The following PTPRN2 variants were observed in gnomAD, a reference collection of about 807,000 sequenced individuals.
PTPRN2 encodes the protein protein tyrosine phosphatase receptor type N2, also known as receptor-type tyrosine-protein phosphatase N2.
PTPRN2 carries 74 observed loss-of-function variants against 118.8 expected under a neutral mutation model. That is an observed-to-expected ratio of 0.62 (90% CI 0.52 to 0.76). The LOEUF (loss-of-function observed/expected upper bound fraction) is 0.76. PTPRN2 is among the 30% of genes least tolerant of loss of function. The pLI, the probability that PTPRN2 is intolerant of heterozygous loss-of-function variation, is 0.00. For missense variants in PTPRN2, 1,481 were observed against 1,394.4 expected (o/e 1.06, Z -0.99); for synonymous variants, 641 against 608.0 (o/e 1.05, Z -0.80).
Position 157,615,724 on chromosome 7 carries a change from A to C in PTPRN2, c.2344+5638T>G. ...GAGCTGAGAGGGAGGTGACGCAGTGACTCAGGAACCACAAGCTCTGGAGGC... is the reference window on the plus strand; with the variant it reads ...GAGCTGAGAGGGAGGTGACGCAGTGCCTCAGGAACCACAAGCTCTGGAGGC... On this transcript the variant is annotated intron_variant, in intron 15 of 22. Coordinates refer to ENST00000389418, the MANE Select transcript of PTPRN2 (RefSeq NM_002847.5). The surrounding 1 kb of genome is among the most constrained non-coding windows in gnomAD (Gnocchi z 4.3). 2.4e-6 allele frequency: 1 copy of C among 410,482 alleles called. No individual in the cohort carries two copies. Among genetic ancestry groups the C allele is most frequent in the Non-Finnish European group, 5.1e-6 (1 of 197,814 alleles). 25.4% of individuals were successfully genotyped at this position (410,482 alleles called of 1,614,324 possible).
intron 13 of PTPRN2, among the ~76,000 whole-genome samples, chr7:157,657,203 TCA>T (rs1585186534): frequency 1.2e-5 from 1 of 80,684 alleles, no homozygotes; most frequent in African/African-American, 5.2e-5. Context: ...ACCACACACA[TCA>T]CACATATACA....
chr7:158,111,391 C>T (rs1184967085), intron 9 of PTPRN2, among the ~76,000 whole-genome samples: 3 of 152,104 alleles, frequency 2.0e-5, no homozygotes, highest in East Asian at 1.9e-4. Flanking sequence ...GGGCAGGGGG[C>T]GGGGGCACTC....
intron 11 of PTPRN2, among the ~76,000 whole-genome samples, chr7:158,048,708 C>T (rs1447092616): frequency 6.6e-6 from 1 of 150,462 alleles, no homozygotes; most frequent in Non-Finnish European, 1.5e-5. Context: ...ACCACCATCA[C>T]CATCACCATC....
Position 157,795,959 on chromosome 7 carries a change from G to A in PTPRN2, c.1788+102714C>T, listed in dbSNP as rs149601061. On this transcript the variant is annotated intron_variant, in intron 12 of 22. Coordinates refer to ENST00000389418, the MANE Select transcript of PTPRN2 (RefSeq NM_002847.5). ...GCCACACCTGATCACCGTGATGGAG[G>A]GGGGCAGGCGCCGAGGCGAACTTGG... Among the ~76,000 whole-genome samples the A allele has an allele frequency of 6.5e-3, 996 of 152,358 alleles. 6 individuals carry two copies. Among genetic ancestry groups the A allele is most frequent in the Middle Eastern group, 0.014 (4 of 294 alleles).
rs1181174735 is a variant in PTPRN2, at chr7:158,022,502, C to T, written c.1723+58796G>A. On this transcript the variant is annotated intron_variant, in intron 11 of 22. Transcript: ENST00000389418. This position sits in a 1 kb window ranked among gnomAD's most constrained non-coding sequence, Gnocchi z 4.6. Reference sequence around the variant, plus strand: ...CGTAATGTGTTCATAGCCAAGGCCCCGGCACCCGGGCACTCTGTCTGGGGC... The same window carrying T: ...CGTAATGTGTTCATAGCCAAGGCCCTGGCACCCGGGCACTCTGTCTGGGGC... Among the ~76,000 whole-genome samples, 2 of 149,458 alleles carry T rather than the reference C, an allele frequency of 1.3e-5. No homozygotes were observed. The highest frequency in any genetic ancestry group is 4.9e-5 in the African/African-American group (2 of 40,482).
chr7:157,689,735 T>C (rs553527191), intron 12 of PTPRN2, among the ~76,000 whole-genome samples: 46 of 152,134 alleles, frequency 3.0e-4, no homozygotes, highest in African/African-American at 1.1e-3. Flanking sequence ...TCACCTGGGG[T>C]GGGGGAGGCG....
chr7:158,245,263 C>T (rs12698180), intron 3 of PTPRN2, among the ~76,000 whole-genome samples: 2 of 77,914 alleles, frequency 2.6e-5, no homozygotes, highest in African/African-American at 5.2e-5. Context: ...CTGGAATCCA[C>T]GGTCATGCCG....
chr7:158,396,047 G>A (rs1812467054), intron 2 of PTPRN2, among the ~76,000 whole-genome samples: 1 of 152,122 alleles, frequency 6.6e-6, no homozygotes, highest in South Asian at 2.1e-4. Context: ...CTTCTCAACA[G>A]CCACATCGCA....
chr7:158,091,636 G>C (rs1814132652), intron 10 of PTPRN2, among the ~76,000 whole-genome samples: 1 of 149,550 alleles, frequency 6.7e-6, no homozygotes, highest in Non-Finnish European at 1.5e-5. Context: ...GGGTGGGTGG[G>C]TGAGAGATAG....
intron 2 of PTPRN2, among the ~76,000 whole-genome samples, chr7:158,474,788 G>A (rs935514702): frequency 3.3e-5 from 5 of 151,874 alleles, no homozygotes; most frequent in African/African-American, 7.2e-5. Flanking sequence ...AGGGAGTCGG[G>A]AGTGGGGCTG....
chr7:158,437,123 C>CACT (rs1396681771), intron 2 of PTPRN2, among the ~76,000 whole-genome samples: 1 of 152,182 alleles, frequency 6.6e-6, no homozygotes, highest in African/African-American at 2.4e-5. Context: ...CTGCCTCATA[C>CACT]ACTCCGTCCT....
At chr7:158,355,563 G>A (rs1808325211) in intron 2 of PTPRN2, among the ~76,000 whole-genome samples, 4 of 152,242 alleles carry the variant, frequency 2.6e-5, no homozygotes, top group East Asian at 1.9e-4. Context: ...ACAACGGCAG[G>A]AGAGGCAGGA....
intron 11 of PTPRN2, among the ~76,000 whole-genome samples, chr7:157,997,055 G>A (rs900558171): frequency 6.6e-6 from 1 of 152,226 alleles, no homozygotes; most frequent in Non-Finnish European, 1.5e-5. Flanking sequence ...AGGCCGGCAC[G>A]GGGGCCCAGG....
chr7:158,581,437 G>A (rs1828621999), intron 1 of PTPRN2, among the ~76,000 whole-genome samples: 1 of 152,122 alleles, frequency 6.6e-6, no homozygotes, highest in Non-Finnish European at 1.5e-5. Context: ...TTTTGGGGGT[G>A]ATGGAATGAT....
At chr7:158,511,504 C>G (rs868736255) in intron 1 of PTPRN2, among the ~76,000 whole-genome samples, 1 of 152,190 alleles carries the variant, frequency 6.6e-6, no homozygotes, top group Non-Finnish European at 1.5e-5. Flanking sequence ...GGTCCCAACA[C>G]GAAAAAGGAG....
intron 12 of PTPRN2, among the ~76,000 whole-genome samples, chr7:157,708,023 T>C (rs1178983168): frequency 6.6e-6 from 1 of 152,264 alleles, no homozygotes; most frequent in East Asian, 1.9e-4. Context: ...AAAGTGGAGA[T>C]GCTATCATCC....
At chr7:158,395,022 C>T (rs1211531060) in intron 2 of PTPRN2, among the ~76,000 whole-genome samples, 1 of 152,206 alleles carries the variant, frequency 6.6e-6, no homozygotes, top group Non-Finnish European at 1.5e-5. Context: ...GCCCTTTCTG[C>T]TGTAAAACTT....
rs572710175 is a variant in PTPRN2 at position 157,676,631 on chromosome 7, C to G, written c.2001+6094G>C. 2.5e-4 allele frequency among the ~76,000 whole-genome samples: 38 copies of G among 152,358 alleles called. No individual in the cohort carries two copies. Among genetic ancestry groups the G allele is most frequent in the Non-Finnish European group, 3.7e-4 (25 of 68,036 alleles). On this transcript the variant is annotated intron_variant, in intron 13 of 22. Transcript: ENST00000389418. The surrounding 1 kb of genome is among the most constrained non-coding windows in gnomAD (Gnocchi z 5.6). ...GGGGACAGCGCAGCTGGGGACCGCC[C>G]AGTGCAGCTCTGCCACTGGCCCTGT...
At chr7:158,431,887 A>G (rs1187696993) in intron 2 of PTPRN2, among the ~76,000 whole-genome samples, 1 of 152,212 alleles carries the variant, frequency 6.6e-6, no homozygotes, top group Non-Finnish European at 1.5e-5. Context: ...GTGCTCCATC[A>G]TGTTATCCGG....
Sources: gnomAD v4.1 joint callset for allele counts (sites outside exome capture counted in the v4.1 genomes callset) on GRCh38, gnomAD v4.1.1 for gene constraint, Gnocchi (gnomAD v3.1) non-coding constraint, MANE v1.5 for transcripts, NCBI Gene and HGNC (gene_info 2026-07-23, HGNC 2026-07-21) for gene names.